The following PARD3 variants were observed in gnomAD, a reference collection of about 807,000 sequenced individuals.
PARD3 encodes partitioning defective 3 homolog.
In PARD3, 75 loss-of-function variants were observed where a neutral mutation model predicts 155.4. That is an observed-to-expected ratio of 0.48 (90% CI 0.40 to 0.58). PARD3 has a LOEUF of 0.58. Among genes scored for constraint, PARD3 ranks in the 20% least tolerant of loss-of-function variants. The probability of loss-of-function intolerance (pLI) is 0.00; values close to 1 mark genes in which losing one functional copy is unlikely to be tolerated. For missense variants in PARD3, 1,642 were observed against 1,721.7 expected, an observed-to-expected ratio of 0.95 and a Z score of 0.82; for synonymous variants, 576 against 610.5, an observed-to-expected ratio of 0.94 and a Z score of 0.83.
At chr10:34,742,717 C>T (rs1159767617) in intron 1 of PARD3, among the ~76,000 whole-genome samples, 3 of 152,170 alleles carry the variant, frequency 2.0e-5, no homozygotes, top group Non-Finnish European at 2.9e-5. Flanking sequence ...GGGAGTAAAA[C>T]GTCAAAAAGA....
At chr10:34,703,846 T>C (rs563944454) in intron 1 of PARD3, among the ~76,000 whole-genome samples, 63 of 152,000 alleles carry the variant, frequency 4.1e-4, no homozygotes, top group African/African-American at 1.2e-3. Flanking sequence ...CAAGAAATAG[T>C]CCCCCATCCT....
intron 3 of PARD3, among the ~76,000 whole-genome samples, chr10:34,506,999 G>C (rs753000939): frequency 6.6e-5 from 10 of 152,146 alleles, no homozygotes; most frequent in African/African-American, 2.4e-4. Flanking sequence ...TTTCACCTGC[G>C]CCTCCAGTTT....
At chr10:34,466,059 GA>G (rs1234334497) in intron 4 of PARD3, among the ~76,000 whole-genome samples, 2 of 152,054 alleles carry the variant, frequency 1.3e-5, no homozygotes, top group African/African-American at 4.8e-5. Flanking sequence ...CCTCTAGCAA[GA>G]AACTTTCCAC....
At chr10:34,589,658 A>C (rs1186022781) in intron 2 of PARD3, among the ~76,000 whole-genome samples, 1 of 128,942 alleles carries the variant, frequency 7.8e-6, no homozygotes, top group Non-Finnish European at 1.6e-5. Context: ...AAAAAAAAAA[A>C]CCAAGCATGT....
chr10:34,787,454 T>C (rs1193214950), intron 1 of PARD3, among the ~76,000 whole-genome samples: 3 of 152,170 alleles, frequency 2.0e-5, no homozygotes, highest in African/African-American at 7.2e-5. Flanking sequence ...CCAGATGAAG[T>C]TACCCACGTC....
chr10:34,232,122 G>A (rs1952965226), intron 22 of PARD3, among the ~76,000 whole-genome samples: 2 of 152,056 alleles, frequency 1.3e-5, no homozygotes, highest in African/African-American at 4.8e-5. Context: ...CAGAGTCAGA[G>A]GTTAATGCTG....
intron 22 of PARD3, among the ~76,000 whole-genome samples, chr10:34,167,032 G>T (rs1949561962): frequency 6.6e-6 from 1 of 152,298 alleles, no homozygotes; most frequent in African/African-American, 2.4e-5. Context: ...CAGTAATGAT[G>T]TAAACCTGCT....
intron 2 of PARD3, among the ~76,000 whole-genome samples, chr10:34,534,426 G>A (rs1337877507): frequency 6.6e-6 from 1 of 152,100 alleles, no homozygotes; most frequent in Non-Finnish European, 1.5e-5. Context: ...GGGCAGCCCT[G>A]GAGGTCAGAA....
intron 2 of PARD3, among the ~76,000 whole-genome samples, chr10:34,541,673 T>C (rs1440823990): frequency 6.6e-6 from 1 of 152,214 alleles, no homozygotes; most frequent in Admixed American, 6.5e-5. Flanking sequence ...AATTTTTAAG[T>C]GTCCACAAAT....
chr10:34,692,683 T>C lies in PARD3; in HGVS notation c.222+3635A>G, dbSNP rs575757538. 5.1e-4 allele frequency among the ~76,000 whole-genome samples: 77 copies of C among 152,232 alleles called. 1 individual carries two copies. In the South Asian group the frequency reaches 0.011, roughly 22 times the overall value. ...TGAGGTCAGGAGTTTGAGACCAGTC[T>C]GGCCAACGTGACAAAACCCATATCT... On this transcript the variant is annotated intron_variant, in intron 2 of 24. Coordinates refer to ENST00000374788, the MANE Select transcript of PARD3 (RefSeq NM_001184785.2).
At position 34,779,287 on chromosome 10, in the gene PARD3, A is replaced by C. The variant is rs1400927665; in HGVS notation, c.120+35589T>G. On this transcript the variant is annotated intron_variant, in intron 1 of 24. Coordinates refer to ENST00000374788, the MANE Select transcript of PARD3 (RefSeq NM_001184785.2). Reference sequence around the variant, plus strand: ...TGCCACTGCACTCCAGCCTGGGTGAAAGAGCTAGACTCCATCTCAAAAAAT... The same window carrying C: ...TGCCACTGCACTCCAGCCTGGGTGACAGAGCTAGACTCCATCTCAAAAAAT... Among the ~76,000 whole-genome samples, 18 of 137,346 alleles carry C rather than the reference A, an allele frequency of 1.3e-4. No individual in the cohort carries two copies. The South Asian group carries it at 1.4e-3, about 11-fold the overall frequency. The allele number at this position is 137,346 out of a possible 152,430, so 90.1% of individuals were successfully genotyped here. A position where few individuals can be genotyped will look rare whatever the true frequency, so the allele number is the denominator to read the frequency against.
chr10:34,420,705 T>C (rs1326453900), intron 5 of PARD3, among the ~76,000 whole-genome samples: 1 of 152,182 alleles, frequency 6.6e-6, no homozygotes, highest in Non-Finnish European at 1.5e-5. Context: ...AACACATCAC[T>C]TGCATGCACA....
chr10:34,802,708 C>G (rs1208445141), intron 1 of PARD3, among the ~76,000 whole-genome samples: 3 of 152,006 alleles, frequency 2.0e-5, no homozygotes, highest in East Asian at 1.9e-4. Context: ...TTAAGAGAGA[C>G]AGTTTTGCCA....
intron 2 of PARD3, among the ~76,000 whole-genome samples, chr10:34,641,338 T>C (rs2092673462): frequency 6.6e-6 from 1 of 152,216 alleles, no homozygotes; most frequent in Non-Finnish European, 1.5e-5. Flanking sequence ...GCCCGCACCC[T>C]GAGCTGCCGG....
At chr10:34,369,077 C>G (rs1299871984) in intron 12 of PARD3, among the ~76,000 whole-genome samples, 1 of 151,840 alleles carries the variant, frequency 6.6e-6, no homozygotes, top group Non-Finnish European at 1.5e-5. Context: ...ATCTGCCCTG[C>G]AGATTCTGGT....
chr10:34,348,868 G>A (rs538776051), intron 14 of PARD3, among the ~76,000 whole-genome samples: 21 of 152,072 alleles, frequency 1.4e-4, no homozygotes, highest in Admixed American at 3.9e-4. Flanking sequence ...TGTCAATTTC[G>A]ATGACAATAA....
At chr10:34,492,342 CTTCAAAACACCGA>C (rs2079972016) in intron 3 of PARD3, among the ~76,000 whole-genome samples, 3 of 152,266 alleles carry the variant, frequency 2.0e-5, no homozygotes, top group South Asian at 4.1e-4. Flanking sequence ...AAACCACACA[CTTCAAAACACCGA>C]TTCAAACAGA....
At chr10:34,289,049 C>T (rs1956543195) in intron 20 of PARD3, among the ~76,000 whole-genome samples, 1 of 152,180 alleles carries the variant, frequency 6.6e-6, no homozygotes, top group African/African-American at 2.4e-5. Context: ...TCACTGCAAC[C>T]TCCTGGGCTC....
At chr10:34,736,693 G>A (rs565124972) in intron 1 of PARD3, among the ~76,000 whole-genome samples, 2 of 149,262 alleles carry the variant, frequency 1.3e-5, no homozygotes, top group Non-Finnish European at 3.0e-5. Context: ...TTTATTTACT[G>A]AGACAGAGTC....
Sources: gnomAD v4.1 joint callset for allele counts (sites outside exome capture counted in the v4.1 genomes callset) on GRCh38, gnomAD v4.1.1 for gene constraint, MANE v1.5 for transcripts, NCBI Gene and HGNC (gene_info 2026-07-23, HGNC 2026-07-21) for gene names.